Variants in CA12 observed in about 807,000 individuals in gnomAD.
CA12 encodes carbonate dehydratase XII.
Under a neutral mutation model 46.8 loss-of-function variants are expected in CA12, and 36 were observed. That is an observed-to-expected ratio of 0.77 (90% CI 0.59 to 1.02). The LOEUF (loss-of-function observed/expected upper bound fraction) is 1.02. CA12 is among the 50% of genes least tolerant of loss of function. CA12 has a pLI of 0.00. For synonymous variants in CA12, 202 were observed against 187.0 expected (o/e 1.08, Z -0.65); for missense variants, 436 against 451.4 (o/e 0.97, Z 0.31).
intron 2 of CA12, among the ~76,000 whole-genome samples, chr15:63,350,544 T>C (rs1382891758): frequency 1.3e-5 from 2 of 152,212 alleles, no homozygotes; most frequent in Admixed American, 6.5e-5. Flanking sequence ...TCACAGTTTG[T>C]TTTTCTAAAT....
At chr15:63,363,427 G>C (rs2039391466) in intron 2 of CA12, among the ~76,000 whole-genome samples, 1 of 152,124 alleles carries the variant, frequency 6.6e-6, no homozygotes, top group Non-Finnish European at 1.5e-5. Context: ...ACCTCCCCTG[G>C]GCCAGGCTAT....
Position 63,331,242 on chromosome 15 carries a change from TC to T in CA12, c.875-3113del, listed in dbSNP as rs919064217. On this transcript the variant is annotated intron_variant, in intron 8 of 10. Transcript: ENST00000178638. This position sits in a 1 kb window ranked among gnomAD's most constrained non-coding sequence, Gnocchi z 5.3. ...GACTTTCGGGACACAGGGAGAACTGTCAGGGCAACCAGAGAACTAGAACCTG... is the reference window on the plus strand; with the variant it reads ...GACTTTCGGGACACAGGGAGAACTGTAGGGCAACCAGAGAACTAGAACCTG... Among the ~76,000 whole-genome samples, 7 of 152,110 alleles carry T rather than the reference TC, an allele frequency of 4.6e-5. No individual in the cohort carries two copies. Among genetic ancestry groups the T allele is most frequent in the African/African-American group, 1.7e-4 (7 of 41,428 alleles).
chr15:63,345,422 G>A lies in CA12; in HGVS notation c.429+55C>T. The A allele has an allele frequency of 6.3e-7, 1 of 1,597,242 alleles. No individual in the cohort carries two copies. The highest frequency in any genetic ancestry group is 1.1e-5 in the South Asian group (1 of 90,686). On this transcript the variant is annotated intron_variant, in intron 4 of 10. Transcript: ENST00000178638. The surrounding 1 kb of genome is among the most constrained non-coding windows in gnomAD (Gnocchi z 4.3). Reference sequence around the variant, plus strand: ...ATCTGCACAGCAGCCAGGTCGAGAAGGTGCCACACCACCCACTGCAGAGCA... The same window carrying A: ...ATCTGCACAGCAGCCAGGTCGAGAAAGTGCCACACCACCCACTGCAGAGCA...
In CA12 at chr15:63,330,801, T is replaced by C. The variant is rs867419614; in HGVS notation, c.875-2671A>G. Among the ~76,000 whole-genome samples the C allele has an allele frequency of 6.6e-6, 1 of 152,180 alleles. No individual in the cohort carries two copies. The highest frequency in any genetic ancestry group is 1.5e-5 in the Non-Finnish European group (1 of 68,024). The stretch of plus-strand genomic sequence containing the variant: ...GGAGGTCCTGTAAGCAACAGCATAG[T>C]TGAACCCAGTGCTGTGACCTGGGAT... On this transcript the variant is annotated intron_variant, in intron 8 of 10. Transcript: ENST00000178638. This position sits in a 1 kb window ranked among gnomAD's most constrained non-coding sequence, Gnocchi z 4.0.
At position 63,344,938 on chromosome 15, in the gene CA12, G is replaced by A. The variant is rs527412129; in HGVS notation, c.429+539C>T. 3.9e-4 allele frequency among the ~76,000 whole-genome samples: 59 copies of A among 152,272 alleles called. 1 individual carries two copies. In the South Asian group the frequency reaches 4.4e-3, roughly 11 times the overall value. On this transcript the variant is annotated intron_variant, in intron 4 of 10. Coordinates refer to ENST00000178638, the MANE Select transcript of CA12 (RefSeq NM_001218.5). ...CTTGTCCCTAGTGAGTCTGCTTGCC[G>A]TGATGCCCTGCACATTAGACTGCCA...
chr15:63,347,477 G>A (rs1438780572), intron 2 of CA12, among the ~76,000 whole-genome samples: 5 of 152,146 alleles, frequency 3.3e-5, no homozygotes, highest in Non-Finnish European at 7.4e-5. Context: ...AAAAAAATAT[G>A]ACCACACTAT....
At chr15:63,365,380 T>C (rs780432688) in intron 2 of CA12, among the ~76,000 whole-genome samples, 3 of 152,206 alleles carry the variant, frequency 2.0e-5, no homozygotes, top group Admixed American at 6.5e-5. Context: ...CATCCACCAA[T>C]GGACTGGGAA....
chr15:63,377,771 T>C (rs1390765295), intron 1 of CA12, among the ~76,000 whole-genome samples: 2 of 152,200 alleles, frequency 1.3e-5, no homozygotes, highest in African/African-American at 4.8e-5. Flanking sequence ...AACATGCTAA[T>C]ATTGTTTTAC....
At chr15:63,377,456 A>G (rs539180056) in intron 1 of CA12, among the ~76,000 whole-genome samples, 87 of 150,304 alleles carry the variant, frequency 5.8e-4, no homozygotes, top group African/African-American at 2.0e-3. Flanking sequence ...GTGTTTTTTA[A>G]AAGTTAAAAA....
chr15:63,376,880 C>A (rs1039400899), intron 1 of CA12, among the ~76,000 whole-genome samples: 1 of 151,934 alleles, frequency 6.6e-6, no homozygotes, highest in Non-Finnish European at 1.5e-5. Flanking sequence ...TGGGCTCAAG[C>A]GATCTGCCCA....
rs3784670 is a variant in CA12 at position 63,330,834 on chromosome 15, C to A, written c.875-2704G>T. On this transcript the variant is annotated intron_variant, in intron 8 of 10. Transcript: ENST00000178638. This position sits in a 1 kb window ranked among gnomAD's most constrained non-coding sequence, Gnocchi z 4.0. ...AGTGCTGTGACCTGGGATCTTTGCT[C>A]CTTGAGGACCACTTGTCAAGGCCTA... 1.1e-4 allele frequency among the ~76,000 whole-genome samples: 17 copies of A among 152,262 alleles called. No individual in the cohort carries two copies. The East Asian group carries it at 3.1e-3, about 28-fold the overall frequency.
chr15:63,357,008 A>G (rs1001379678), intron 2 of CA12, among the ~76,000 whole-genome samples: 1 of 152,252 alleles, frequency 6.6e-6, no homozygotes, highest in Non-Finnish European at 1.5e-5. Flanking sequence ...AGCCGTAAAA[A>G]GGCTGATCTC....
chr15:63,331,305 G>A lies in CA12; in HGVS notation c.875-3175C>T, dbSNP rs370331824. 1.3e-5 allele frequency among the ~76,000 whole-genome samples: 2 copies of A among 152,224 alleles called. No homozygotes were observed. The highest frequency in any genetic ancestry group is 3.8e-4 in the East Asian group (2 of 5,204). On this transcript the variant is annotated intron_variant, in intron 8 of 10. Coordinates refer to ENST00000178638, the MANE Select transcript of CA12 (RefSeq NM_001218.5). This position sits in a 1 kb window ranked among gnomAD's most constrained non-coding sequence, Gnocchi z 5.3. Reference sequence around the variant, plus strand: ...AAAGCCTGTTTCCCAGCAGAGCCTCGGCTGGGTGAGAGCGAAGCCTCTAGG... The same window carrying A: ...AAAGCCTGTTTCCCAGCAGAGCCTCAGCTGGGTGAGAGCGAAGCCTCTAGG...
rs1455620526 is a variant in CA12 at position 63,330,187 on chromosome 15, G to C, written c.875-2057C>G. Among the ~76,000 whole-genome samples the C allele has an allele frequency of 6.6e-6, 1 of 152,246 alleles. No homozygotes were observed. Among genetic ancestry groups the C allele is most frequent in the Non-Finnish European group, 1.5e-5 (1 of 68,046 alleles). ...AACACAAGGACCAGCCTGTGGCTTG[G>C]GGAGGTACTGAGGACATGAGTCTCC... On this transcript the variant is annotated intron_variant, in intron 8 of 10. Transcript: ENST00000178638. This position sits in a 1 kb window ranked among gnomAD's most constrained non-coding sequence, Gnocchi z 4.0.
In CA12 at chr15:63,324,650, T is replaced by A. The variant is rs1021000877; in HGVS notation, c.*1635A>T. 8 of 151,850 alleles carry A rather than the reference T, an allele frequency of 5.3e-5. No homozygotes were observed. The highest frequency in any genetic ancestry group is 1.9e-4 in the African/African-American group (8 of 41,348). 9.4% of individuals were successfully genotyped at this position (151,850 alleles called of 1,614,324 possible). ...AAAACAGGCTCCCAAGACATAAGGCTTGCCATCGTTGTGAAAAGTTGTGAT... is the reference window on the plus strand; with the variant it reads ...AAAACAGGCTCCCAAGACATAAGGCATGCCATCGTTGTGAAAAGTTGTGAT... On this transcript the variant is annotated 3_prime_UTR_variant, in exon 11 of 11. Transcript: ENST00000178638.
chr15:63,332,621 GC>G (rs2038950796), intron 8 of CA12, among the ~76,000 whole-genome samples: 2 of 152,210 alleles, frequency 1.3e-5, no homozygotes, highest in African/African-American at 4.8e-5. Flanking sequence ...GCATCTCTAG[GC>G]AACTTCCTCC....
At chr15:63,342,419 G>T (rs2039091381) in intron 4 of CA12, among the ~76,000 whole-genome samples, 1 of 152,158 alleles carries the variant, frequency 6.6e-6, no homozygotes, top group African/African-American at 2.4e-5. Context: ...ACTTTTTTCT[G>T]ACTGGCAATC....
At position 63,345,609 on chromosome 15, in the gene CA12, G is replaced by T; in HGVS notation, c.297C>A (p.Asn99Lys). The change falls in exon 4 of 11, where the codon AAC becomes AAA. Residue 99 changes from asparagine to lysine, a missense_variant. Transcript: ENST00000178638. The surrounding 1 kb of genome is among the most constrained non-coding windows in gnomAD (Gnocchi z 4.3). ...LTNNGHSVKL[N>K]LPSDMHIQGL... ...CCTGGATGTGCATGTCCGAGGGCAG[G>T]TTCAGCTTCACTGCGGGGAGTGGAG... The T allele has an allele frequency of 6.2e-7, 1 of 1,612,622 alleles. No homozygotes were observed.
Position 63,340,751 on chromosome 15 carries a change from G to A in CA12, c.558C>T (p.Ile186=), listed in dbSNP as rs2039068191. The A allele has an allele frequency of 1.2e-6, 2 of 1,614,218 alleles. No homozygotes were observed. ...MGSFNPSYDK[I]FSHLQHVKYK... Reference sequence around the variant, plus strand: ...ACTTTACATGTTGAAGGTGACTGAAGATCTTGTCATAGGACGGATTGAAGG... The same window carrying A: ...ACTTTACATGTTGAAGGTGACTGAAAATCTTGTCATAGGACGGATTGAAGG... Residue 186 remains isoleucine, a synonymous_variant, in exon 6 of 11, where the codon ATC becomes ATT. Coordinates refer to ENST00000178638, the MANE Select transcript of CA12 (RefSeq NM_001218.5). The surrounding 1 kb of genome is among the most constrained non-coding windows in gnomAD (Gnocchi z 4.4).
Sources: gnomAD v4.1 joint callset for allele counts (sites outside exome capture counted in the v4.1 genomes callset) on GRCh38, gnomAD v4.1.1 for gene constraint, Gnocchi (gnomAD v3.1) non-coding constraint, MANE v1.5 for transcripts, NCBI Gene and HGNC (gene_info 2026-07-23, HGNC 2026-07-21) for gene names.